Variants in XKR9 observed in about 807,000 individuals in gnomAD.
The protein encoded by XKR9 is XK-related protein 9.
In XKR9, 32 loss-of-function variants were observed where a neutral mutation model predicts 32.0. The ratio of observed to expected loss-of-function variants is 1.00; its 90% CI spans 0.76 to 1.34. The LOEUF (loss-of-function observed/expected upper bound fraction) is 1.34, where lower values mean the gene tolerates loss of function less well. Ranked by LOEUF, XKR9 falls within the 40% of genes most tolerant of loss-of-function variation. The probability of loss-of-function intolerance (pLI) is 0.00; values close to 1 mark genes in which losing one functional copy is unlikely to be tolerated. For synonymous variants in XKR9, 168 were observed against 143.4 expected (o/e 1.17, Z -1.22); for missense variants, 546 against 429.7 (o/e 1.27, Z -2.39).
intron 2 of XKR9, among the ~76,000 whole-genome samples, chr8:70,763,062 A>G (rs1293862692): frequency 6.6e-6 from 1 of 152,204 alleles, no homozygotes; most frequent in Admixed American, 6.5e-5. Flanking sequence ...ATTTAATTAT[A>G]TAGTAATTCC....
the XKR9 span, among the ~76,000 whole-genome samples, chr8:70,975,616 C>T: frequency 6.6e-6 from 1 of 152,168 alleles, no homozygotes; most frequent in East Asian, 1.9e-4. Context: ...TGATTTGGTA[C>T]CAGTACCATG....
intron 3 of XKR9, among the ~76,000 whole-genome samples, chr8:70,682,024 T>C (rs1307758815): frequency 6.6e-6 from 1 of 152,150 alleles, no homozygotes. Context: ...TGTGGAGACT[T>C]ATAGTTTTCA....
At chr8:70,708,400 T>C (rs1805795869) in intron 4 of XKR9, among the ~76,000 whole-genome samples, 1 of 152,032 alleles carries the variant, frequency 6.6e-6, no homozygotes, top group South Asian at 2.1e-4. Context: ...AGTAGGAAAT[T>C]GAGGTAAGTT....
chr8:70,800,325 T>C, the XKR9 span, among the ~76,000 whole-genome samples: 1 of 152,322 alleles, frequency 6.6e-6, no homozygotes, highest in East Asian at 1.9e-4. Context: ...AAGTTTTCTT[T>C]TTTTTTGTTT....
intron 4 of XKR9, among the ~76,000 whole-genome samples, chr8:70,732,378 T>G (rs1199919962): frequency 2.0e-5 from 3 of 152,174 alleles, no homozygotes; most frequent in Non-Finnish European, 2.9e-5. Flanking sequence ...TACAATTAAA[T>G]CCATGCACAT....
At chr8:71,018,265 C>G in the XKR9 span, among the ~76,000 whole-genome samples, 1 of 152,008 alleles carries the variant, frequency 6.6e-6, no homozygotes, top group African/African-American at 2.4e-5. Context: ...TATAGGCATA[C>G]AGATAATCTT....
chr8:70,762,942 C>T (rs112971234), intron 2 of XKR9, among the ~76,000 whole-genome samples: 21 of 152,226 alleles, frequency 1.4e-4, no homozygotes, highest in African/African-American at 5.1e-4. Flanking sequence ...TATAGAGACA[C>T]TATTGAAATC....
the XKR9 span, among the ~76,000 whole-genome samples, chr8:70,935,120 T>TATAC: frequency 3.4e-3 from 431 of 128,230 alleles, 4 homozygotes; most frequent in African/African-American, 0.011. Context: ...TATATATATA[T>TATAC]ACACACACAC....
At chr8:71,058,126 A>G in the XKR9 span, among the ~76,000 whole-genome samples, 4 of 152,236 alleles carry the variant, frequency 2.6e-5, no homozygotes, top group Non-Finnish European at 5.9e-5. Context: ...GCTTGCAGTG[A>G]GCCGAGATCG....
chr8:70,809,110 G>A, the XKR9 span, among the ~76,000 whole-genome samples: 4 of 152,164 alleles, frequency 2.6e-5, no homozygotes, highest in Non-Finnish European at 4.4e-5. Flanking sequence ...CCAGGGGAAC[G>A]ATCAGGCAGC....
At chr8:70,704,584 T>G (rs1805654770) in intron 3 of XKR9, among the ~76,000 whole-genome samples, 1 of 152,196 alleles carries the variant, frequency 6.6e-6, no homozygotes, top group Non-Finnish European at 1.5e-5. Flanking sequence ...GAGCCAGAAT[T>G]TGAACCACGG....
chr8:70,700,939 C>G (rs1418955083), intron 3 of XKR9, among the ~76,000 whole-genome samples: 1 of 152,236 alleles, frequency 6.6e-6, no homozygotes, highest in East Asian at 1.9e-4. Context: ...TGATCTCAGA[C>G]TGCTGTGCTA....
chr8:70,813,301 A>G, the XKR9 span, among the ~76,000 whole-genome samples: 1 of 152,254 alleles, frequency 6.6e-6, no homozygotes, highest in Non-Finnish European at 1.5e-5. Flanking sequence ...TTCAAGATGG[A>G]TTAAAGACTT....
the XKR9 span, among the ~76,000 whole-genome samples, chr8:71,049,884 T>A: frequency 6.6e-6 from 1 of 152,196 alleles, no homozygotes; most frequent in Non-Finnish European, 1.5e-5. Context: ...GTAGTCCACT[T>A]AAATGAGTCC....
chr8:70,929,506 G>T, the XKR9 span, among the ~76,000 whole-genome samples: 2 of 152,148 alleles, frequency 1.3e-5, no homozygotes, highest in African/African-American at 4.8e-5. Context: ...TTACAAGACA[G>T]AAATCAACGT....
chr8:71,025,663 A>G, the XKR9 span, among the ~76,000 whole-genome samples: 9 of 152,320 alleles, frequency 5.9e-5, no homozygotes, highest in Middle Eastern at 3.4e-3. Flanking sequence ...CATGAGCCCC[A>G]GCTTTCTGAC....
At chr8:70,854,466 G>A in the XKR9 span, among the ~76,000 whole-genome samples, 7 of 152,040 alleles carry the variant, frequency 4.6e-5, no homozygotes, top group Non-Finnish European at 5.9e-5. Context: ...CTCTCATTTT[G>A]TAGGTTGCCT....
At chr8:70,992,344 C>A in the XKR9 span, among the ~76,000 whole-genome samples, 77 of 152,166 alleles carry the variant, frequency 5.1e-4, no homozygotes, top group Non-Finnish European at 9.7e-4. Context: ...AGGATAGGTA[C>A]CTTTCCTCTA....
At chr8:70,699,108 A>G (rs1316034792) in intron 3 of XKR9, among the ~76,000 whole-genome samples, 1 of 152,174 alleles carries the variant, frequency 6.6e-6, no homozygotes, top group Admixed American at 6.5e-5. Flanking sequence ...TCCTGAATAC[A>G]ACACACTGAT....
Sources: allele counts gnomAD v4.1 joint callset (sites outside exome capture counted in the v4.1 genomes callset), GRCh38; gene constraint gnomAD v4.1.1; transcripts MANE v1.5; gene names NCBI Gene and HGNC (gene_info 2026-07-23, HGNC 2026-07-21).